The following UCMA variants were observed in gnomAD, a reference collection of about 807,000 sequenced individuals.
UCMA encodes the protein upper zone of growth plate and cartilage matrix-associated protein.
In UCMA, 21 loss-of-function variants were observed where a neutral mutation model predicts 21.8. The ratio of observed to expected loss-of-function variants is 0.97; its 90% CI spans 0.68 to 1.39. UCMA has a LOEUF of 1.39. UCMA is among the 40% of genes most tolerant of loss of function. The pLI is 0.00. For synonymous variants in UCMA, 76 were observed against 67.9 expected (o/e 1.12, Z -0.58); for missense variants, 193 against 178.9 (o/e 1.08, Z -0.45).
At chr10:13,225,424 C>A (rs1272408055) in intron 4 of UCMA, among the ~76,000 whole-genome samples, 1 of 152,054 alleles carries the variant, frequency 6.6e-6, no homozygotes, top group Non-Finnish European at 1.5e-5. Context: ...CCTGTAATCC[C>A]AGCACTGTGG....
intron 4 of UCMA, among the ~76,000 whole-genome samples, chr10:13,223,798 T>C (rs1834789577): frequency 2.6e-5 from 4 of 151,938 alleles, no homozygotes; most frequent in Admixed American, 2.6e-4. Context: ...GTGATCGAAC[T>C]GCCTCGGCCT....
chr10:13,223,458 T>C (rs767865276), intron 4 of UCMA, among the ~76,000 whole-genome samples: 21 of 152,166 alleles, frequency 1.4e-4, no homozygotes, highest in South Asian at 2.1e-4. Context: ...TTCTACAACA[T>C]GGACAAACCT....
chr10:13,226,564 A>T (rs1014675472), intron 4 of UCMA, among the ~76,000 whole-genome samples: 26 of 152,140 alleles, frequency 1.7e-4, no homozygotes, highest in African/African-American at 6.0e-4. Flanking sequence ...GCTTCAAGCA[A>T]TGCTCCCACT....
Position 13,234,205 on chromosome 10 carries a change from C to T in UCMA, c.54G>A (p.Leu18=), listed in dbSNP as rs1210081069. Residue 18 remains leucine (L), a synonymous_variant, in exon 1 of 5, where the codon CTG becomes CTA. Transcript: ENST00000378681. Reference sequence around the variant, plus strand: ...CCTTGACCCTCCTGTACTCACTAGACAGGAGCACCACGGCGGAGAAGCAAG... The same window carrying T: ...CCTTGACCCTCCTGTACTCACTAGATAGGAGCACCACGGCGGAGAAGCAAG... ...LLSCFSAVVL[L]SMLREGTSVS... is the part of the protein sequence containing the mutation. 1.9e-6 allele frequency: 3 copies of T among 1,613,124 alleles called. No homozygotes were observed. The highest frequency in any genetic ancestry group is 2.5e-6 in the Non-Finnish European group (3 of 1,179,856).
intron 1 of UCMA, 135 bp from the exon 2 acceptor site, chr10:13,233,935 G>T: frequency 8.9e-7 from 1 of 1,120,328 alleles, no homozygotes; most frequent in East Asian, 2.6e-5. Context: ...TCACGTACCA[G>T]CTGCAGAGCC....
At chr10:13,226,078 G>A (rs1279809269) in intron 4 of UCMA, among the ~76,000 whole-genome samples, 1 of 152,130 alleles carries the variant, frequency 6.6e-6, no homozygotes, top group African/African-American at 2.4e-5. Context: ...TGATTTACAA[G>A]AACAGGAGCT....
chr10:13,233,234 C>T (rs915251330), intron 3 of UCMA, among the ~76,000 whole-genome samples: 4 of 152,188 alleles, frequency 2.6e-5, no homozygotes, highest in Non-Finnish European at 4.4e-5. Flanking sequence ...TGCATCTTAT[C>T]CCTGTTAGGT....
At chr10:13,231,808 CT>C (rs1466049723) in intron 3 of UCMA, among the ~76,000 whole-genome samples, 1 of 152,224 alleles carries the variant, frequency 6.6e-6, no homozygotes, top group Non-Finnish European at 1.5e-5. Flanking sequence ...ATCCCAGAGG[CT>C]TAGAGATGTC....
At chr10:13,229,550 A>G in intron 4 of UCMA, 61 bp downstream of exon 4, 1 of 1,459,686 alleles carries the variant, frequency 6.9e-7, no homozygotes, top group Non-Finnish European at 9.4e-7. Context: ...AGAGAAAGCA[A>G]ACCATGTGAT....
At chr10:13,232,207 CTACAAAAA>C (rs1834907653) in intron 3 of UCMA, among the ~76,000 whole-genome samples, 1 of 151,872 alleles carries the variant, frequency 6.6e-6, no homozygotes, top group Non-Finnish European at 1.5e-5. Flanking sequence ...AATTCTGTCT[CTACAAAAA>C]TACAAAAATT....
intron 4 of UCMA, among the ~76,000 whole-genome samples, chr10:13,225,055 CT>C (rs148249579): frequency 1.3e-5 from 2 of 151,854 alleles, no homozygotes; most frequent in African/African-American, 4.8e-5. Context: ...TTCAGCATCC[CT>C]TTTTTTGTTG....
At chr10:13,229,004 C>G (rs1367173607) in intron 4 of UCMA, among the ~76,000 whole-genome samples, 1 of 152,020 alleles carries the variant, frequency 6.6e-6, no homozygotes, top group East Asian at 1.9e-4. Context: ...GGCACAATCT[C>G]CACTCACTGC....
intron 4 of UCMA, among the ~76,000 whole-genome samples, chr10:13,224,451 T>C (rs1357320076): frequency 6.6e-6 from 1 of 152,036 alleles, no homozygotes; most frequent in Non-Finnish European, 1.5e-5. Flanking sequence ...AGAGTTTAAA[T>C]GGCAAGTTTT....
intron 4 of UCMA, among the ~76,000 whole-genome samples, chr10:13,228,756 A>T (rs576614476): frequency 6.6e-6 from 1 of 152,198 alleles, no homozygotes; most frequent in East Asian, 1.9e-4. Flanking sequence ...GACGGAGAAC[A>T]CAGACCAGTG....
At chr10:13,232,839 T>C (rs1442696579) in intron 3 of UCMA, among the ~76,000 whole-genome samples, 1 of 151,428 alleles carries the variant, frequency 6.6e-6, no homozygotes, top group South Asian at 2.1e-4. Context: ...CCCTCAGGGG[T>C]TGGCAGGTGA....
chr10:13,233,882 G>A (rs1034067036), intron 1 of UCMA, 82 bp from the exon 2 acceptor site: 5 of 1,557,616 alleles, frequency 3.2e-6, no homozygotes, highest in Non-Finnish European at 4.4e-6. Context: ...TCTCTTTCCA[G>A]GCTAAGCGTC....
rs750984703 is a variant in UCMA, at chr10:13,229,574, T to G, written c.319+37A>C. 2.6e-6 allele frequency: 4 copies of G among 1,568,474 alleles called. No individual in the cohort carries two copies. In the East Asian group the frequency reaches 9.0e-5, roughly 35 times the overall value. On this transcript the variant is annotated intron_variant, in intron 4 of 4. Coordinates refer to ENST00000378681, the MANE Select transcript of UCMA (RefSeq NM_145314.3). ...AAACCATGTGATTTCTCCCCAACGC[T>G]CCACCTCCCTGAAGACACTGGCTGA... is the stretch of plus-strand genomic sequence containing the variant.
chr10:13,229,333 T>C (rs1834867334), intron 4 of UCMA, among the ~76,000 whole-genome samples: 1 of 151,866 alleles, frequency 6.6e-6, no homozygotes, highest in South Asian at 2.1e-4. Flanking sequence ...CTGGCCGACA[T>C]GGCAAAGCCC....
chr10:13,224,648 T>G (rs1183181242), intron 4 of UCMA, among the ~76,000 whole-genome samples: 1 of 152,152 alleles, frequency 6.6e-6, no homozygotes, highest in African/African-American at 2.4e-5. Context: ...AAAGTGAAAC[T>G]GGCATCCTCT....
Sources: allele counts gnomAD v4.1 joint callset (sites outside exome capture counted in the v4.1 genomes callset), GRCh38; gene constraint gnomAD v4.1.1; transcripts MANE v1.5; gene names NCBI Gene and HGNC (gene_info 2026-07-23, HGNC 2026-07-21).